GPATCH2: variants seen among roughly 807,000 people sequenced by gnomAD.
GPATCH2 encodes G patch domain-containing protein 2.
In GPATCH2, 51 loss-of-function variants were observed where a neutral mutation model predicts 58.0. The observed-to-expected ratio is 0.88, with a 90% CI of 0.70 to 1.11. The LOEUF (loss-of-function observed/expected upper bound fraction) is 1.11, where lower values mean the gene tolerates loss of function less well. GPATCH2 is among the 50% of genes most tolerant of loss of function. GPATCH2 has a pLI of 0.00. For missense variants in GPATCH2, 625 were observed against 652.2 expected, an observed-to-expected ratio of 0.96 and a Z score of 0.45; for synonymous variants, 222 against 218.5, an observed-to-expected ratio of 1.02 and a Z score of -0.14.
intron 5 of GPATCH2, among the ~76,000 whole-genome samples, chr1:217,584,637 T>G (rs774830250): frequency 3.0e-4 from 46 of 151,840 alleles, no homozygotes; most frequent in Admixed American, 5.3e-4. Flanking sequence ...CAGCAAAATT[T>G]CAAAGACATC....
intron 5 of GPATCH2, among the ~76,000 whole-genome samples, chr1:217,607,783 C>A (rs1339803239): frequency 2.6e-5 from 4 of 152,058 alleles, no homozygotes; most frequent in African/African-American, 4.8e-5. Flanking sequence ...AACTTTCCCC[C>A]AAAAAATGTT....
intron 5 of GPATCH2, chr1:217,608,183 C>T: frequency 1.2e-5 from 9 of 733,572 alleles, no homozygotes; most frequent in Non-Finnish European, 1.5e-5. Flanking sequence ...AATTGGAACT[C>T]TTACCTTTCT....
intron 5 of GPATCH2, chr1:217,609,458 T>C (rs1051485846): frequency 8.1e-6 from 8 of 983,940 alleles, no homozygotes; most frequent in Non-Finnish European, 9.7e-6. Context: ...ATTCTACTAG[T>C]GCAGACTAGT....
intron 3 of GPATCH2, among the ~76,000 whole-genome samples, chr1:217,612,312 G>T (rs2102819480): frequency 6.6e-6 from 1 of 152,236 alleles, no homozygotes; most frequent in African/African-American, 2.4e-5. Context: ...TTCTAAGAGG[G>T]TCGTTGTAAT....
chr1:217,564,604 C>T (rs1236927619), intron 5 of GPATCH2, among the ~76,000 whole-genome samples: 1 of 152,110 alleles, frequency 6.6e-6, no homozygotes, highest in African/African-American at 2.4e-5. Context: ...CCATTTTTTT[C>T]CATTTCAGCT....
Position 217,430,185 on chromosome 1 carries a change from A to G in GPATCH2, c.*960T>C, listed in dbSNP as rs1658468325. The G allele has an allele frequency of 6.6e-6, 1 of 152,180 alleles. No individual in the cohort carries two copies. The allele number at this position is 152,180 out of a possible 1,614,324, so 9.4% of individuals were successfully genotyped here. Reference sequence around the variant, plus strand: ...CATTTACTTCTTTTGTTCACCTTCTAAATGGGTTGGGTCATTGCCAGAAAT... The same window carrying G: ...CATTTACTTCTTTTGTTCACCTTCTGAATGGGTTGGGTCATTGCCAGAAAT... On this transcript the variant is annotated 3_prime_UTR_variant, in exon 10 of 10. Transcript: ENST00000366935.
chr1:217,488,972 G>A (rs1021149637), intron 8 of GPATCH2, among the ~76,000 whole-genome samples: 1 of 151,706 alleles, frequency 6.6e-6, no homozygotes, highest in Non-Finnish European at 1.5e-5. Flanking sequence ...GGGCCTCTTC[G>A]AGCAGCCAAC....
chr1:217,493,492 G>A (rs1235080057), intron 7 of GPATCH2, among the ~76,000 whole-genome samples: 2 of 151,976 alleles, frequency 1.3e-5, no homozygotes, highest in Non-Finnish European at 2.9e-5. Flanking sequence ...TGTGTCTGGA[G>A]CATTTTAGTG....
chr1:217,478,070 G>C (rs943480794), intron 8 of GPATCH2, among the ~76,000 whole-genome samples: 1 of 152,164 alleles, frequency 6.6e-6, no homozygotes. Flanking sequence ...ACCTCTACAA[G>C]TCTGCAAGAA....
Position 217,619,876 on chromosome 1 carries a change from C to T in GPATCH2, c.680G>A (p.Gly227Glu), listed in dbSNP as rs773910555. 3 of 1,613,908 alleles carry T rather than the reference C, an allele frequency of 1.9e-6. No homozygotes were observed. Among genetic ancestry groups the T allele is most frequent in the Non-Finnish European group, 1.7e-6 (2 of 1,179,870 alleles). Residue 227 changes from glycine (G) to glutamate (E), a missense_variant, in exon 2 of 10, where the codon GGA (glycine) becomes GAA (glutamate). By Grantham distance (98) the Gly-to-Glu change is moderately conservative. Coordinates refer to ENST00000366935, the MANE Select transcript of GPATCH2 (RefSeq NM_018040.5). ...CGTTTCCTCACTTTCTAAAACTACT[C>T]CTTCATCTTGGATTTTTGGTCCTTG... Reference protein sequence around the residue: ...IRQGPKIQDEGVVLESEETNQ... With the variant: ...IRQGPKIQDEEVVLESEETNQ...
Position 217,488,141 on chromosome 1 carries a change from T to G in GPATCH2, c.1277+3539A>C, listed in dbSNP as rs553301274. ...TTTTATGATCCATATTCACTGAAAT[T>G]TGTTGATACTAGCTTTATGGCCTGG... On this transcript the variant is annotated intron_variant, in intron 8 of 9. Transcript: ENST00000366935. Among the ~76,000 whole-genome samples, 19 of 152,356 alleles carry G rather than the reference T, an allele frequency of 1.2e-4. No homozygotes were observed. The South Asian group carries it at 3.9e-3, about 32-fold the overall frequency.
At chr1:217,589,983 T>G (rs114936695) in intron 5 of GPATCH2, among the ~76,000 whole-genome samples, 3,752 of 152,096 alleles carry the variant, frequency 0.025, 55 homozygotes, top group Middle Eastern at 0.088. Context: ...CCAGAAAGTT[T>G]TCACTAGAAG....
intron 6 of GPATCH2, among the ~76,000 whole-genome samples, chr1:217,505,832 TA>T (rs1370861950): frequency 2.0e-5 from 3 of 152,176 alleles, no homozygotes; most frequent in Admixed American, 1.3e-4. Context: ...TATTTTTATT[TA>T]TTTTTTTGAG....
intron 6 of GPATCH2, among the ~76,000 whole-genome samples, chr1:217,513,451 A>T (rs1001706411): frequency 9.9e-5 from 15 of 152,210 alleles, no homozygotes; most frequent in African/African-American, 3.6e-4. Flanking sequence ...TAAAAAATAG[A>T]AACTAATGGA....
chr1:217,547,154 G>C (rs1459609629), intron 5 of GPATCH2, among the ~76,000 whole-genome samples: 1 of 152,064 alleles, frequency 6.6e-6, no homozygotes, highest in Non-Finnish European at 1.5e-5. Context: ...ACGAGGTCAG[G>C]AGTTCAAGAC....
intron 5 of GPATCH2, among the ~76,000 whole-genome samples, chr1:217,596,404 G>A (rs1285214706): frequency 6.6e-6 from 1 of 152,146 alleles, no homozygotes. Context: ...AAAATCCTGT[G>A]ACCTTGAACA....
At chr1:217,600,087 C>T (rs1668039409) in intron 5 of GPATCH2, among the ~76,000 whole-genome samples, 1 of 152,110 alleles carries the variant, frequency 6.6e-6, no homozygotes, top group Non-Finnish European at 1.5e-5. Flanking sequence ...CAGTAGTAAA[C>T]TGTCTATGAC....
At position 217,617,901 on chromosome 1, in the gene GPATCH2, T is replaced by C. The variant is rs545935141; in HGVS notation, c.773+1882A>G. Among the ~76,000 whole-genome samples the C allele has an allele frequency of 3.2e-4, 49 of 151,908 alleles. 1 individual carries two copies. The highest frequency in any genetic ancestry group is 1.0e-3 in the African/African-American group (42 of 41,432). ...AATGAAAAGAAATGAAAAATGAGAG[T>C]TTGATCTCATATCCATTACCAGTTA... On this transcript the variant is annotated intron_variant, in intron 2 of 9. Transcript: ENST00000366935.
At chr1:217,583,616 AAGC>A (rs2102748572) in intron 5 of GPATCH2, among the ~76,000 whole-genome samples, 1 of 151,638 alleles carries the variant, frequency 6.6e-6, no homozygotes, top group South Asian at 2.1e-4. Context: ...AATAAACAAG[AAGC>A]TATATTTGGA....
Sources: allele counts gnomAD v4.1 joint callset (sites outside exome capture counted in the v4.1 genomes callset), GRCh38; gene constraint gnomAD v4.1.1; transcripts MANE v1.5; gene names NCBI Gene and HGNC (gene_info 2026-07-23, HGNC 2026-07-21).